Variants in SNX1 observed in about 807,000 individuals in gnomAD.
The protein encoded by SNX1 is sorting nexin-1.
Under a neutral mutation model 71.8 loss-of-function variants are expected in SNX1, and 36 were observed. The ratio of observed to expected loss-of-function variants is 0.50; its 90% CI spans 0.38 to 0.66. SNX1 has a LOEUF of 0.66. Ranked by LOEUF, SNX1 falls within the 30% of genes least tolerant of loss-of-function variation. SNX1 has a pLI of 0.00. For synonymous variants in SNX1, 254 were observed against 240.7 expected (o/e 1.06, Z -0.51); for missense variants, 612 against 646.7 (o/e 0.95, Z 0.58).
At position 64,143,681 on chromosome 15, in the gene SNX1, A is replaced by G. The variant is rs1276942233; in HGVS notation, c.*6063A>G. ...CTTAAGCACCCTTTCTCCCTTCCCCATCTTCATTCTCAGAATTACACCTGT... is the reference window on the plus strand; with the variant it reads ...CTTAAGCACCCTTTCTCCCTTCCCCGTCTTCATTCTCAGAATTACACCTGT... On this transcript the variant is annotated 3_prime_UTR_variant, in exon 15 of 15. Coordinates refer to ENST00000559844, the MANE Select transcript of SNX1 (RefSeq NM_003099.5). The G allele has an allele frequency of 1.3e-5, 2 of 152,188 alleles. No individual in the cohort carries two copies. The highest frequency in any genetic ancestry group is 2.9e-5 in the Non-Finnish European group (2 of 68,040). 9.4% of individuals were successfully genotyped at this position (152,188 alleles called of 1,614,324 possible).
chr15:64,136,679 C>T (rs959418395), intron 13 of SNX1, among the ~76,000 whole-genome samples, 182 bp from the exon 14 acceptor site: 1 of 152,156 alleles, frequency 6.6e-6, no homozygotes, highest in South Asian at 2.1e-4. Context: ...CTTCCCATCT[C>T]CTGCCCTCCA....
intron 1 of SNX1, among the ~76,000 whole-genome samples, chr15:64,104,429 C>T (rs1433160983): frequency 6.6e-6 from 1 of 151,950 alleles, no homozygotes; most frequent in Non-Finnish European, 1.5e-5. Flanking sequence ...CCCGCCACCA[C>T]GCCCGGCTAA....
rs545688086 is a variant in SNX1, at chr15:64,131,004, G to C, written c.1015+683G>C. 2.0e-4 allele frequency among the ~76,000 whole-genome samples: 30 copies of C among 152,318 alleles called. No homozygotes were observed. In the South Asian group the frequency reaches 5.4e-3, roughly 27 times the overall value. ...TCAAAATCTAAAAAATTTATTATTAGCCGGTCGCGGTGGCTCACGCCTGTA... is the reference window on the plus strand; with the variant it reads ...TCAAAATCTAAAAAATTTATTATTACCCGGTCGCGGTGGCTCACGCCTGTA... On this transcript the variant is annotated intron_variant, in intron 10 of 14. Coordinates refer to ENST00000559844, the MANE Select transcript of SNX1 (RefSeq NM_003099.5).
intron 3 of SNX1, among the ~76,000 whole-genome samples, chr15:64,118,482 A>G (rs924447300): frequency 1.3e-5 from 2 of 152,250 alleles, no homozygotes; most frequent in Non-Finnish European, 2.9e-5. Context: ...CGAAGCTTCC[A>G]CATTCAGGAG....
At chr15:64,121,569 T>C (rs2081197243) in intron 4 of SNX1, among the ~76,000 whole-genome samples, 1 of 152,196 alleles carries the variant, frequency 6.6e-6, no homozygotes, top group African/African-American at 2.4e-5. Flanking sequence ...TCATTTTAAC[T>C]CAGTTACATC....
Position 64,095,989 on chromosome 15 carries a change from C to T in SNX1, c.-25C>T, listed in dbSNP as rs1278137715. 5.0e-6 allele frequency: 8 copies of T among 1,590,810 alleles called. No homozygotes were observed. The highest frequency in any genetic ancestry group is 6.0e-6 in the Non-Finnish European group (7 of 1,172,530). On this transcript the variant is annotated 5_prime_UTR_variant, in exon 1 of 15. Coordinates refer to ENST00000559844, the MANE Select transcript of SNX1 (RefSeq NM_003099.5). The stretch of plus-strand genomic sequence containing the variant: ...CTATCTCTCGATAAAGTTGTTGTTG[C>T]GGCTTCCGCCGCGGGTGGAAGAAGA...
At chr15:64,127,640 A>G (rs1320411179) in intron 7 of SNX1, 91 bp from the exon 8 acceptor site, 6 of 893,848 alleles carry the variant, frequency 6.7e-6, no homozygotes, top group Middle Eastern at 2.2e-4. Context: ...CAAAAAGTAC[A>G]GAAGACATGG....
chr15:64,132,060 T>C (rs1032930140), intron 11 of SNX1, among the ~76,000 whole-genome samples, 168 bp downstream of exon 11: 2 of 152,234 alleles, frequency 1.3e-5, no homozygotes, highest in Non-Finnish European at 2.9e-5. Flanking sequence ...ATTCACCTGT[T>C]AGCTAGTTAT....
chr15:64,100,407 C>T (rs904943058), intron 1 of SNX1, among the ~76,000 whole-genome samples: 2 of 152,004 alleles, frequency 1.3e-5, no homozygotes, highest in Non-Finnish European at 2.9e-5. Context: ...CTAGACCAGC[C>T]TGGCCAACAT....
intron 14 of SNX1, 115 bp downstream of exon 14, chr15:64,137,047 C>A: frequency 1.3e-6 from 1 of 748,660 alleles, no homozygotes; most frequent in South Asian, 1.7e-5. Flanking sequence ...CTGGGCCCTC[C>A]TATAGTCCAT....
At chr15:64,136,538 G>A in intron 13 of SNX1, 128 bp downstream of exon 13, 2 of 776,884 alleles carry the variant, frequency 2.6e-6, no homozygotes, top group Non-Finnish European at 4.5e-6. Context: ...GAGCAGGCGT[G>A]GCCTTCTTTG....
intron 1 of SNX1, among the ~76,000 whole-genome samples, chr15:64,102,865 C>G (rs1212487403): frequency 7.1e-6 from 1 of 140,500 alleles, no homozygotes; most frequent in Non-Finnish European, 1.5e-5. Context: ...CTCCTGTGCT[C>G]TGGTGATCCT....
chr15:64,099,092 G>A (rs149196969), intron 1 of SNX1, among the ~76,000 whole-genome samples: 3,640 of 152,260 alleles, frequency 0.024, 60 homozygotes, highest in Middle Eastern at 0.061. Flanking sequence ...AGAAGATAGA[G>A]GATTGCAGCA....
Position 64,141,468 on chromosome 15 carries a change from A to G in SNX1, c.*3850A>G, listed in dbSNP as rs1003788107. On this transcript the variant is annotated 3_prime_UTR_variant, in exon 15 of 15. Transcript: ENST00000559844. The surrounding 1 kb of genome is among the most constrained non-coding windows in gnomAD (Gnocchi z 5.1). Reference sequence around the variant, plus strand: ...CAAGGAATAACAGGAGCACAAAGGAAGAAGGTGGTATTCCAGCTGGGGACC... The same window carrying G: ...CAAGGAATAACAGGAGCACAAAGGAGGAAGGTGGTATTCCAGCTGGGGACC... The G allele has an allele frequency of 3.9e-5, 6 of 152,422 alleles. No individual in the cohort carries two copies. The highest frequency in any genetic ancestry group is 8.8e-5 in the Non-Finnish European group (6 of 68,178). The allele number at this position is 152,422 out of a possible 1,614,324, so 9.4% of individuals were successfully genotyped here.
chr15:64,124,506 CAAAAA>C (rs61561795), intron 5 of SNX1, among the ~76,000 whole-genome samples: 1 of 64,094 alleles, frequency 1.6e-5, no homozygotes, highest in Non-Finnish European at 3.6e-5. Context: ...GACTCTGTCT[CAAAAA>C]AAAAAAAAAA....
rs1274692920 is a variant in SNX1, at chr15:64,096,196, GC to G, written c.159+25del. The G allele has an allele frequency of 9.7e-6, 15 of 1,544,704 alleles. No homozygotes were observed. The Admixed American group carries it at 2.6e-4, about 27-fold the overall frequency. On this transcript the variant is annotated intron_variant, in intron 1 of 14. Coordinates refer to ENST00000559844, the MANE Select transcript of SNX1 (RefSeq NM_003099.5). Reference sequence around the variant, plus strand: ...TCGTGAGTTTGCACCCCTCGGGGTAGCAGGCGGGAGGGCACCCCGAAAGGGA... The same window carrying G: ...TCGTGAGTTTGCACCCCTCGGGGTAGAGGCGGGAGGGCACCCCGAAAGGGA...
At chr15:64,124,350 C>CA (rs1405380059) in intron 5 of SNX1, among the ~76,000 whole-genome samples, 2 of 150,758 alleles carry the variant, frequency 1.3e-5, no homozygotes, top group African/African-American at 2.5e-5. Flanking sequence ...ACTAAAAATA[C>CA]AAAAAAATTA....
chr15:64,122,168 A>G (rs1283040269), intron 4 of SNX1, among the ~76,000 whole-genome samples: 1 of 152,184 alleles, frequency 6.6e-6, no homozygotes, highest in African/African-American at 2.4e-5. Flanking sequence ...TCTTAACTGC[A>G]GGCACTAAAT....
chr15:64,114,956 C>T (rs71394540), intron 2 of SNX1, among the ~76,000 whole-genome samples: 2,627 of 152,002 alleles, frequency 0.017, 31 homozygotes, highest in Non-Finnish European at 0.03. Context: ...GCCTGGGCAA[C>T]GTAGCAAAAC....
Sources: allele counts gnomAD v4.1 joint callset (sites outside exome capture counted in the v4.1 genomes callset), GRCh38; gene constraint gnomAD v4.1.1; non-coding constraint Gnocchi (gnomAD v3.1); transcripts MANE v1.5; gene names NCBI Gene and HGNC (gene_info 2026-07-23, HGNC 2026-07-21).